Variants in SH2D4A observed in about 807,000 individuals in gnomAD.
SH2D4A encodes SH2 domain-containing protein 4A.
SH2D4A carries 70 observed loss-of-function variants against 64.7 expected under a neutral mutation model. That is an observed-to-expected ratio of 1.08 (90% CI 0.89 to 1.32). The LOEUF (loss-of-function observed/expected upper bound fraction) is 1.32, where lower values mean the gene tolerates loss of function less well. Among genes scored for constraint, SH2D4A ranks in the 40% most tolerant of loss-of-function variants. The probability of loss-of-function intolerance (pLI) is 0.00; values close to 1 mark genes in which losing one functional copy is unlikely to be tolerated. For missense variants in SH2D4A, 706 were observed against 540.1 expected (o/e 1.31, Z -3.04); for synonymous variants, 268 against 200.7 (o/e 1.34, Z -2.83).
chr8:19,376,057 G>A (rs1358449623), intron 8 of SH2D4A, among the ~76,000 whole-genome samples: 1 of 152,042 alleles, frequency 6.6e-6, no homozygotes, highest in Non-Finnish European at 1.5e-5. Context: ...TCTTGCAGTT[G>A]CTCTTCCTGC....
chr8:19,340,694 C>T (rs1424753216), intron 4 of SH2D4A, among the ~76,000 whole-genome samples: 1 of 147,300 alleles, frequency 6.8e-6, no homozygotes, highest in African/African-American at 2.5e-5. Context: ...TAACCTCCAA[C>T]TCCTGGGCTC....
chr8:19,330,782 G>A (rs1003524008), intron 2 of SH2D4A, among the ~76,000 whole-genome samples: 9 of 152,122 alleles, frequency 5.9e-5, no homozygotes, highest in East Asian at 1.9e-4. Flanking sequence ...AAAAAATACC[G>A]ACAGAGAACT....
intron 4 of SH2D4A, among the ~76,000 whole-genome samples, chr8:19,340,610 T>C (rs1218457926): frequency 2.0e-5 from 3 of 146,738 alleles, no homozygotes; most frequent in Non-Finnish European, 3.0e-5. Context: ...TCTTTTTTTT[T>C]TTTTTTTTTT....
At chr8:19,366,543 T>C (rs1048604853) in intron 7 of SH2D4A, among the ~76,000 whole-genome samples, 2 of 152,134 alleles carry the variant, frequency 1.3e-5, no homozygotes, top group African/African-American at 4.8e-5. Flanking sequence ...ATGCCTGCAA[T>C]CCCAGCACTT....
chr8:19,358,561 G>C (rs2052829800), intron 5 of SH2D4A, among the ~76,000 whole-genome samples: 1 of 152,188 alleles, frequency 6.6e-6, no homozygotes, highest in South Asian at 2.1e-4. Flanking sequence ...GTGGATGTCT[G>C]TTCCAGGCAG....
At position 19,319,339 on chromosome 8, in the gene SH2D4A, TG is replaced by T; in HGVS notation, c.-204-4del. ...TGCCTGAATGTGGGCTCTTTCTCTC[TG>T]CAGGTTCAGTGAACAGCATTTTGGA... On this transcript the variant is annotated splice_polypyrimidine_tract_variant and splice_region_variant and intron_variant, in intron 1 of 9. Coordinates refer to ENST00000265807, the MANE Select transcript of SH2D4A (RefSeq NM_022071.4). The T allele has an allele frequency of 8.2e-7, 1 of 1,217,926 alleles. No individual in the cohort carries two copies. The highest frequency in any genetic ancestry group is 1.0e-6 in the Non-Finnish European group (1 of 978,538). 75.4% of individuals were successfully genotyped at this position (1,217,926 alleles called of 1,614,324 possible).
At chr8:19,358,458 G>A (rs1422110577) in intron 5 of SH2D4A, among the ~76,000 whole-genome samples, 1 of 152,182 alleles carries the variant, frequency 6.6e-6, no homozygotes, top group Admixed American at 6.5e-5. Context: ...ATTGGGATGG[G>A]ACAGGTAGTC....
At chr8:19,318,716 C>A (rs2117169067) in intron 1 of SH2D4A, among the ~76,000 whole-genome samples, 1 of 152,318 alleles carries the variant, frequency 6.6e-6, no homozygotes, top group Admixed American at 6.5e-5. Flanking sequence ...TGCACCTGCC[C>A]TGATTTTCAT....
At chr8:19,375,547 G>A (rs2053179334) in intron 8 of SH2D4A, 1 of 152,276 alleles carries the variant, frequency 6.6e-6, no homozygotes, top group South Asian at 2.1e-4. Flanking sequence ...AGAGGACAAA[G>A]TGATTGAAGA....
At chr8:19,370,882 C>G (rs2053084338) in intron 7 of SH2D4A, among the ~76,000 whole-genome samples, 1 of 151,862 alleles carries the variant, frequency 6.6e-6, no homozygotes, top group Non-Finnish European at 1.5e-5. Flanking sequence ...TTTGGTGTAT[C>G]TGTTATAGAT....
At chr8:19,316,299 A>T (rs2052087093) in intron 1 of SH2D4A, among the ~76,000 whole-genome samples, 1 of 152,224 alleles carries the variant, frequency 6.6e-6, no homozygotes, top group African/African-American at 2.4e-5. Flanking sequence ...CGTTTGCTAT[A>T]AAAAGTAAAA....
intron 2 of SH2D4A, among the ~76,000 whole-genome samples, chr8:19,323,461 A>G (rs942256077): frequency 6.6e-6 from 1 of 150,960 alleles, no homozygotes; most frequent in Non-Finnish European, 1.5e-5. Context: ...GCTCACTGCA[A>G]CCTCTGCCTC....
chr8:19,389,702 A>G (rs1378954325), intron 8 of SH2D4A, among the ~76,000 whole-genome samples: 2 of 152,138 alleles, frequency 1.3e-5, no homozygotes, highest in African/African-American at 4.8e-5. Flanking sequence ...CACTAAACTG[A>G]TAGCCTAAAA....
In SH2D4A at chr8:19,326,700, C is replaced by T. The variant is rs539484777; in HGVS notation, c.182-6255C>T. Among the ~76,000 whole-genome samples, 51 of 151,904 alleles carry T rather than the reference C, an allele frequency of 3.4e-4. 2 individuals carry two copies. The highest frequency in any genetic ancestry group is 1.1e-3 in the African/African-American group (47 of 41,402). ...TGTAGTGTGTGTGAGAGCATGTGTG[C>T]CTGCCTCTCCCCCCTCTCGCACACA... On this transcript the variant is annotated intron_variant, in intron 2 of 9. Coordinates refer to ENST00000265807, the MANE Select transcript of SH2D4A (RefSeq NM_022071.4).
chr8:19,382,820 A>ATTTTTTTTTTTTTTTTTTT (rs2053318237), intron 8 of SH2D4A, among the ~76,000 whole-genome samples: 6 of 85,942 alleles, frequency 7.0e-5, no homozygotes, highest in Non-Finnish European at 1.2e-4. Context: ...TGCTTTTAAG[A>ATTTTTTTTTTTTTTTTTTT]TTCTTTTTTT....
chr8:19,360,259 C>T (rs575398043), intron 5 of SH2D4A, among the ~76,000 whole-genome samples: 8 of 151,194 alleles, frequency 5.3e-5, no homozygotes, highest in Admixed American at 3.3e-4. Context: ...AAGTATTTCT[C>T]CCTTCTCAAA....
In SH2D4A at chr8:19,376,402, A is replaced by C. The variant is rs535506921; in HGVS notation, c.1048+2742A>C. Among the ~76,000 whole-genome samples, 6 of 152,284 alleles carry C rather than the reference A, an allele frequency of 3.9e-5. 1 individual carries two copies. Among genetic ancestry groups the C allele is most frequent in the African/African-American group, 1.4e-4 (6 of 41,568 alleles). ...TTTGGAAGGCCGAGGCAGGCGGATC[A>C]CTTGAGGTCAGGAGTTTGAGACCAG... On this transcript the variant is annotated intron_variant, in intron 8 of 9. Transcript: ENST00000265807.
intron 5 of SH2D4A, among the ~76,000 whole-genome samples, chr8:19,359,972 G>A (rs73601128): frequency 0.026 from 3,908 of 152,260 alleles, 146 homozygotes; most frequent in African/African-American, 0.088. Flanking sequence ...TTGTTTTATT[G>A]CTTAGCTAAC....
chr8:19,347,521 AAAT>A (rs2052631369), intron 4 of SH2D4A, among the ~76,000 whole-genome samples: 1 of 152,186 alleles, frequency 6.6e-6, no homozygotes. Flanking sequence ...GCCAACTGAA[AAAT>A]AAGCTCCTCT....
Sources: gnomAD v4.1 joint callset for allele counts (sites outside exome capture counted in the v4.1 genomes callset) on GRCh38, gnomAD v4.1.1 for gene constraint, MANE v1.5 for transcripts, NCBI Gene and HGNC (gene_info 2026-07-23, HGNC 2026-07-21) for gene names.